EPB41L4A: variants seen among roughly 807,000 people sequenced by gnomAD.
EPB41L4A encodes band 4.1-like protein 4A.
A neutral mutation model predicts 108.6 loss-of-function variants in EPB41L4A; 100 were observed. The observed-to-expected ratio is 0.92, with a 90% CI of 0.78 to 1.09. The LOEUF is 1.09. Ranked by LOEUF, EPB41L4A falls within the 50% of genes least tolerant of loss-of-function variation. The probability of loss-of-function intolerance (pLI) is 0.00; values close to 1 mark genes in which losing one functional copy is unlikely to be tolerated. For missense variants in EPB41L4A, 1,030 were observed against 842.7 expected, an observed-to-expected ratio of 1.22 and a Z score of -2.75; for synonymous variants, 319 against 289.0, an observed-to-expected ratio of 1.10 and a Z score of -1.05.
At chr5:112,417,650 A>C (rs1185224793) in intron 1 of EPB41L4A, among the ~76,000 whole-genome samples, 1 of 152,220 alleles carries the variant, frequency 6.6e-6, no homozygotes, top group African/African-American at 2.4e-5. Flanking sequence ...CTCCCCGAAA[A>C]GAGTCTATTT....
Position 112,148,140 on chromosome 5 carries a change from TATATA to T in EPB41L4A, n.995-2147_995-2143del, listed in dbSNP as rs1027870714. Among the ~76,000 whole-genome samples, 19 of 147,914 alleles carry T rather than the reference TATATA, an allele frequency of 1.3e-4. No individual in the cohort carries two copies. The South Asian group carries it at 1.7e-3, about 13-fold the overall frequency. On this transcript the variant is annotated intron_variant and non_coding_transcript_variant, in intron 12 of 13. Coordinates refer to the EPB41L4A transcript ENST00000507810. The stretch of plus-strand genomic sequence containing the variant: ...TAATATAATAATATAATAGTATTAC[TATATA>T]ATATAATAATATAATAGTATTACTA...
intron 18 of EPB41L4A, among the ~76,000 whole-genome samples, chr5:112,179,347 C>A (rs535454124): frequency 2.6e-5 from 4 of 151,802 alleles, no homozygotes; most frequent in African/African-American, 9.7e-5. Flanking sequence ...TTTTAAATGA[C>A]CAATATAATA....
At chr5:112,245,650 G>A (rs1273743316) in intron 9 of EPB41L4A, among the ~76,000 whole-genome samples, 3 of 152,162 alleles carry the variant, frequency 2.0e-5, no homozygotes, top group African/African-American at 7.2e-5. Context: ...TAGACAATAA[G>A]TTCAGGTTGA....
At chr5:112,350,118 T>C (rs1237326292) in intron 1 of EPB41L4A, among the ~76,000 whole-genome samples, 3 of 144,784 alleles carry the variant, frequency 2.1e-5, no homozygotes, top group Non-Finnish European at 4.6e-5. Flanking sequence ...GTGTCAGGTA[T>C]GACTGAGGGA....
chr5:112,348,715 T>G (rs1156630898), intron 1 of EPB41L4A, among the ~76,000 whole-genome samples: 1 of 152,180 alleles, frequency 6.6e-6, no homozygotes, highest in African/African-American at 2.4e-5. Context: ...CTCCCAAATA[T>G]CTGTTAGGGA....
intron 1 of EPB41L4A, among the ~76,000 whole-genome samples, chr5:112,392,148 A>G (rs1005101482): frequency 6.6e-6 from 1 of 152,220 alleles, no homozygotes; most frequent in African/African-American, 2.4e-5. Flanking sequence ...CACTGATGCT[A>G]GGAAGAAACT....
At chr5:112,248,445 C>T (rs1231384866) in intron 9 of EPB41L4A, among the ~76,000 whole-genome samples, 63 of 152,312 alleles carry the variant, frequency 4.1e-4, no homozygotes, top group Non-Finnish European at 1.5e-5. Flanking sequence ...AACACCTTTA[C>T]AGCTTTGGTC....
In EPB41L4A at chr5:112,374,917, G is replaced by A. The variant is rs184247519; in HGVS notation, c.99+44024C>T. Among the ~76,000 whole-genome samples, 20 of 152,232 alleles carry A rather than the reference G, an allele frequency of 1.3e-4. No individual in the cohort carries two copies. The East Asian group carries it at 3.3e-3, about 25-fold the overall frequency. The stretch of plus-strand genomic sequence containing the variant: ...TCTGAGTTTGACAGCAAACTTCTAC[G>A]TTTTTTAAAAACCACAAGGTGATGT... On this transcript the variant is annotated intron_variant, in intron 1 of 22. Coordinates refer to ENST00000261486, the MANE Select transcript of EPB41L4A (RefSeq NM_022140.5).
intron 1 of EPB41L4A, among the ~76,000 whole-genome samples, chr5:112,350,458 G>A (rs192596775): frequency 6.6e-6 from 1 of 152,058 alleles, no homozygotes; most frequent in Non-Finnish European, 1.5e-5. Flanking sequence ...ATCACCTCGA[G>A]GATTTATCAT....
Position 112,378,331 on chromosome 5 carries a change from C to T in EPB41L4A, c.99+40610G>A, listed in dbSNP as rs191873188. Among the ~76,000 whole-genome samples, 179 of 152,272 alleles carry T rather than the reference C, an allele frequency of 1.2e-3. 1 individual carries two copies. Among genetic ancestry groups the T allele is most frequent in the Non-Finnish European group, 1.7e-3 (117 of 68,030 alleles). The stretch of plus-strand genomic sequence containing the variant: ...TAGTCACTCCTAAGAATGCAAGTTA[C>T]CTAGAGCAGAGAGTAGTTTCTCTAG... On this transcript the variant is annotated intron_variant, in intron 1 of 22. Transcript: ENST00000261486.
intron 13 of EPB41L4A, among the ~76,000 whole-genome samples, chr5:112,209,069 T>C (rs959534981): frequency 4.6e-5 from 7 of 152,238 alleles, no homozygotes; most frequent in African/African-American, 1.2e-4. Context: ...TTATGAACTA[T>C]ACTCCTCAAA....
intron 1 of EPB41L4A, among the ~76,000 whole-genome samples, chr5:112,357,431 G>A (rs1000801063): frequency 1.3e-5 from 2 of 152,228 alleles, no homozygotes; most frequent in Non-Finnish European, 2.9e-5. Context: ...AATTGCAAGA[G>A]CAGATGTCTC....
In EPB41L4A at chr5:112,343,422, C is replaced by A. The variant is rs116386191; in HGVS notation, c.100-35932G>T. On this transcript the variant is annotated intron_variant, in intron 1 of 22. Coordinates refer to ENST00000261486, the MANE Select transcript of EPB41L4A (RefSeq NM_022140.5). The stretch of plus-strand genomic sequence containing the variant: ...GAAGTCATTTGTCCCATCTGTAAGA[C>A]GGGAATATTAACAGCATGTACATCA... Among the ~76,000 whole-genome samples the A allele has an allele frequency of 2.0e-5, 3 of 152,178 alleles. 1 individual carries two copies. In the South Asian group the frequency reaches 6.2e-4, roughly 32 times the overall value.
chr5:112,398,673 G>C (rs148376971), intron 1 of EPB41L4A, among the ~76,000 whole-genome samples: 1,772 of 152,212 alleles, frequency 0.012, 26 homozygotes, highest in South Asian at 0.038. Flanking sequence ...ACAGGCTTCT[G>C]AACCACCATG....
intron 12 of EPB41L4A, among the ~76,000 whole-genome samples, chr5:112,227,567 T>C (rs186351530): frequency 2.0e-4 from 31 of 152,242 alleles, no homozygotes; most frequent in Non-Finnish European, 1.5e-5. Flanking sequence ...AGTACATGGA[T>C]TACTGAAGCT....
chr5:112,380,648 A>T (rs1009635612), intron 1 of EPB41L4A, among the ~76,000 whole-genome samples: 1 of 152,108 alleles, frequency 6.6e-6, no homozygotes, highest in African/African-American at 2.4e-5. Flanking sequence ...TTTAATGTAT[A>T]CTCTTCCAAG....
chr5:112,259,890 CCA>C lies in EPB41L4A; in HGVS notation c.730_731del (p.Trp244AlafsTer14), dbSNP rs1561518708. 1 of 1,612,248 alleles carries C rather than the reference CCA, an allele frequency of 6.2e-7. No homozygotes were observed. The highest frequency in any genetic ancestry group is 1.1e-5 in the South Asian group (1 of 91,034). The stretch of plus-strand genomic sequence containing the variant: ...CAACTCTGTTCTCAAGCCATACCTA[CCA>C]GAAATACTTCCCCACTTGCTTTTTA... ...KNKKQVGKYF[W>X]PRITKVHFKE... On this transcript the variant is annotated frameshift_variant and splice_region_variant, in exon 8 of 23. Transcript: ENST00000261486. LOFTEE classifies it high-confidence loss of function.
intron 1 of EPB41L4A, among the ~76,000 whole-genome samples, chr5:112,412,523 T>A (rs911237992): frequency 6.6e-6 from 1 of 152,242 alleles, no homozygotes; most frequent in African/African-American, 2.4e-5. Context: ...ACACTCTAAA[T>A]TGTACTTACA....
At chr5:112,328,499 T>C (rs1756336379) in intron 1 of EPB41L4A, among the ~76,000 whole-genome samples, 2 of 152,200 alleles carry the variant, frequency 1.3e-5, no homozygotes, top group Admixed American at 6.5e-5. Context: ...TGATTTGGGA[T>C]ATTGCTATAT....
Sources: gnomAD v4.1 joint callset for allele counts (sites outside exome capture counted in the v4.1 genomes callset) on GRCh38, gnomAD v4.1.1 for gene constraint, MANE v1.5 for transcripts, NCBI Gene and HGNC (gene_info 2026-07-23, HGNC 2026-07-21) for gene names.